Variants in MID1 observed in about 807,000 individuals in gnomAD.
MID1 encodes E3 ubiquitin-protein ligase Midline-1.
A neutral mutation model predicts 40.4 loss-of-function variants in MID1; 7 were observed. The observed-to-expected ratio is 0.17, with a 90% CI of 0.10 to 0.33. The LOEUF is 0.33. MID1 is among the 10% of genes least tolerant of loss of function. The probability of loss-of-function intolerance (pLI) is 1.00; values close to 1 mark genes in which losing one functional copy is unlikely to be tolerated. For missense variants in MID1, 367 were observed against 558.5 expected (o/e 0.66, Z 3.46); for synonymous variants, 229 against 221.2 (o/e 1.04, Z -0.31).
intron 1 of MID1, among the ~76,000 whole-genome samples, chrX:10,791,509 T>C (rs1457888697): frequency 8.9e-6 from 1 of 112,161 alleles, no homozygotes; most frequent in African/African-American, 3.2e-5. Flanking sequence ...CCAAGCCAAA[T>C]AGGTTGCTTT....
intron 1 of MID1, among the ~76,000 whole-genome samples, chrX:10,626,541 T>C (rs953575568): frequency 9.0e-6 from 1 of 110,570 alleles, no homozygotes; most frequent in African/African-American, 3.3e-5. Flanking sequence ...CTATGTGCTA[T>C]GTAGGGCTTT....
At chrX:10,573,185 T>C (rs1934785467) in intron 1 of MID1, among the ~76,000 whole-genome samples, 1 of 112,719 alleles carries the variant, frequency 8.9e-6, no homozygotes, top group African/African-American at 3.2e-5. Context: ...TGGAAAATAA[T>C]GATGTAAATG....
chrX:10,794,822 G>GT (rs923145260), intron 1 of MID1, among the ~76,000 whole-genome samples: 51 of 111,281 alleles, frequency 4.6e-4, no homozygotes, highest in East Asian at 1.7e-3. Context: ...TACCTAGGGT[G>GT]TTTTTTTTCC....
In MID1 at chrX:10,449,930, A is replaced by G. The variant is rs111643783; in HGVS notation, c.1656-214T>C. ...AGTGGGTGGAAAGTAGTGGGTGGAA[A>G]GAAGCGTCGTATTTACCCACATTTC... On this transcript the variant is annotated intron_variant, in intron 9 of 9. Transcript: ENST00000317552. Among the ~76,000 whole-genome samples the G allele has an allele frequency of 9.9e-3, 1,114 of 112,136 alleles. 13 individuals are homozygous for G. Among genetic ancestry groups the G allele is most frequent in the African/African-American group, 0.034 (1,058 of 30,810 alleles).
At chrX:10,740,324 A>G (rs1402848971) in intron 1 of MID1, among the ~76,000 whole-genome samples, 7 of 112,973 alleles carry the variant, frequency 6.2e-5, no homozygotes, top group Non-Finnish European at 1.9e-5. Context: ...TATTAATAAC[A>G]TTTTTCAGAT....
chrX:10,764,917 T>C (rs2043709742), intron 1 of MID1, among the ~76,000 whole-genome samples: 1 of 112,022 alleles, frequency 8.9e-6, no homozygotes, highest in African/African-American at 3.2e-5. Context: ...CCACGGACTT[T>C]TCTGTAGAAC....
intron 1 of MID1, among the ~76,000 whole-genome samples, chrX:10,777,685 C>A (rs1423831484): frequency 1.8e-5 from 2 of 110,199 alleles, no homozygotes; most frequent in Non-Finnish European, 3.8e-5. Context: ...GGATTACAGG[C>A]ATGTGCCACC....
At chrX:10,707,112 C>A (rs747656170) in intron 1 of MID1, among the ~76,000 whole-genome samples, 11 of 111,625 alleles carry the variant, frequency 9.9e-5, no homozygotes, top group Non-Finnish European at 1.7e-4. Context: ...TTAACTCTTG[C>A]GATCTAAAAT....
chrX:10,539,550 T>A (rs1225899937), intron 2 of MID1, among the ~76,000 whole-genome samples: 3 of 112,326 alleles, frequency 2.7e-5, no homozygotes, highest in Non-Finnish European at 5.6e-5. Context: ...TGCTTCTGAA[T>A]TCAAAACAAC....
chrX:10,656,599 C>T (rs761868248), intron 1 of MID1, among the ~76,000 whole-genome samples: 2 of 111,795 alleles, frequency 1.8e-5, no homozygotes, highest in East Asian at 5.6e-4. Flanking sequence ...GATCTGAACC[C>T]TTTCTGGCCT....
intron 1 of MID1, among the ~76,000 whole-genome samples, chrX:10,604,201 G>T (rs764341079): frequency 9.0e-6 from 1 of 111,109 alleles, no homozygotes; most frequent in Non-Finnish European, 1.9e-5. Flanking sequence ...GCTAAAAACA[G>T]TCTTTTGAAA....
At chrX:10,533,391 A>AAAGAAAGAAAGAAAG (rs1569089898) in intron 2 of MID1, among the ~76,000 whole-genome samples, 2 of 55,066 alleles carry the variant, frequency 3.6e-5, no homozygotes, top group African/African-American at 1.6e-4. Flanking sequence ...AGAAAGAAAG[A>AAAGAAAGAAAGAAAG]AAAGAAAGAA....
intron 1 of MID1, among the ~76,000 whole-genome samples, chrX:10,819,367 T>C (rs1369239705): frequency 7.1e-5 from 8 of 112,445 alleles, no homozygotes; most frequent in African/African-American, 2.6e-4. Context: ...TATTTGTAAC[T>C]TGAGAAAGAC....
intron 1 of MID1, among the ~76,000 whole-genome samples, chrX:10,730,096 A>T (rs1050018765): frequency 1.0e-4 from 11 of 108,269 alleles, no homozygotes; most frequent in Middle Eastern, 4.8e-3. Context: ...AAAAAAAAAA[A>T]TAAATAAATG....
At position 10,567,345 on chromosome X, in the gene MID1, C is replaced by T. The variant is rs765748631; in HGVS notation, c.203G>A (p.Arg68Gln). The change falls in exon 2 of 10, where the codon CGA becomes CAA. Residue 68 changes from arginine (R) to glutamine (Q), a missense_variant. By Grantham distance (43) the Arg-to-Gln change is conservative. This residue lies in a region of MID1 where 78 missense variants were observed against 112.6 expected (regional missense o/e 0.69). Coordinates refer to ENST00000317552, the MANE Select transcript of MID1 (RefSeq NM_000381.4). ...GTTGCGCTTGAGCCCGTCTAGACCT[C>T]GCTGGCTGAGGGTGATGACATGCCG... ...TCRHVITLSQ[R>Q]GLDGLKRNVT... The T allele has an allele frequency of 8.4e-7, 1 of 1,195,373 alleles. No homozygotes were observed.
intron 1 of MID1, among the ~76,000 whole-genome samples, chrX:10,613,341 A>G (rs1441970872): frequency 9.0e-6 from 1 of 110,982 alleles, no homozygotes; most frequent in Non-Finnish European, 1.9e-5. Flanking sequence ...TACACCTACC[A>G]GCAATGAAAA....
intron 1 of MID1, among the ~76,000 whole-genome samples, chrX:10,743,153 A>G (rs1324312654): frequency 1.8e-5 from 2 of 112,610 alleles, no homozygotes; most frequent in East Asian, 5.6e-4. Context: ...CTTAGAAGGA[A>G]CATGATGCGT....
rs764417851 is a variant in MID1, at chrX:10,500,673, T to C, written c.757-4982A>G. Among the ~76,000 whole-genome samples the C allele has an allele frequency of 3.6e-5, 4 of 112,158 alleles. No individual in the cohort carries two copies. In the East Asian group the frequency reaches 1.1e-3, roughly 31 times the overall value. On this transcript the variant is annotated intron_variant, in intron 3 of 9. Coordinates refer to ENST00000317552, the MANE Select transcript of MID1 (RefSeq NM_000381.4). ...AATATGGCAGGGTTTATTGGTTACT[T>C]GCAGTTATGTTCTGGTGTTTCTAGT...
chrX:10,681,308 G>T (rs2043059084), intron 1 of MID1, among the ~76,000 whole-genome samples: 1 of 111,209 alleles, frequency 9.0e-6, no homozygotes, highest in Non-Finnish European at 1.9e-5. Context: ...TGTGTATTTT[G>T]CTCACAAGTC....
Sources: gnomAD v4.1 joint callset for allele counts (sites outside exome capture counted in the v4.1 genomes callset) on GRCh38, gnomAD v4.1.1 for gene constraint, gnomAD v4.1.1 regional missense constraint, MANE v1.5 for transcripts, NCBI Gene and HGNC (gene_info 2026-07-23, HGNC 2026-07-21) for gene names.